The following RAB6A variants were observed in gnomAD, a reference collection of about 807,000 sequenced individuals.
RAB6A encodes RAB6A, member RAS oncogene family, also known as ras-related protein Rab-6A.
RAB6A carries 8 observed loss-of-function variants against 32.3 expected under a neutral mutation model. That is an observed-to-expected ratio of 0.25 (90% CI 0.15 to 0.45). The LOEUF (loss-of-function observed/expected upper bound fraction) is 0.45. Ranked by LOEUF, RAB6A falls within the 20% of genes least tolerant of loss-of-function variation. The pLI is 1.00. For synonymous variants in RAB6A, 73 were observed against 82.1 expected, an observed-to-expected ratio of 0.89 and a Z score of 0.60; for missense variants, 104 against 249.4, an observed-to-expected ratio of 0.42 and a Z score of 3.93.
chr11:73,747,424 C>T (rs1014274095), intron 1 of RAB6A, among the ~76,000 whole-genome samples: 13 of 124,788 alleles, frequency 1.0e-4, no homozygotes, highest in African/African-American at 2.8e-4. Flanking sequence ...AACTCCTGAC[C>T]TTGTGATCGG....
chr11:73,718,929 AAACTAATACTAAAAAG>A, intron 3 of RAB6A: 4 of 1,479,728 alleles, frequency 2.7e-6, no homozygotes, highest in Non-Finnish European at 3.7e-6. Flanking sequence ...AAAAAAAACC[AAACTAATACTAAAAAG>A]AAAAAAGAAA....
At chr11:73,750,206 G>C (rs540959064) in intron 1 of RAB6A, among the ~76,000 whole-genome samples, 1 of 151,968 alleles carries the variant, frequency 6.6e-6, no homozygotes. Context: ...ATCTCACAAC[G>C]GACAGGATAA....
intron 2 of RAB6A, among the ~76,000 whole-genome samples, chr11:73,724,397 T>C (rs1387327027): frequency 6.6e-6 from 1 of 152,102 alleles, no homozygotes; most frequent in East Asian, 1.9e-4. Flanking sequence ...AAATAGCAAA[T>C]TGTGACTTAC....
chr11:73,691,012 GT>G (rs1227628326), intron 6 of RAB6A, among the ~76,000 whole-genome samples: 16 of 135,040 alleles, frequency 1.2e-4, no homozygotes, highest in African/African-American at 4.1e-4. Context: ...CAAAGGCGGG[GT>G]TTTTCGGGGG....
chr11:73,749,815 T>C (rs1469627758), intron 1 of RAB6A, among the ~76,000 whole-genome samples: 1 of 152,058 alleles, frequency 6.6e-6, no homozygotes, highest in Non-Finnish European at 1.5e-5. Context: ...TGAGCTGTGA[T>C]CACATCACTA....
chr11:73,753,705 C>T (rs1414195031), intron 1 of RAB6A, among the ~76,000 whole-genome samples: 1 of 150,736 alleles, frequency 6.6e-6, no homozygotes, highest in Admixed American at 6.6e-5. Flanking sequence ...AGCGAGATTC[C>T]GTCTGAAAAA....
In RAB6A at chr11:73,709,950, C is replaced by CATAT. The variant is rs71065028; in HGVS notation, c.402-2441_402-2438dup. ...ATATATATACATACACACACACACA[C>CATAT]ATATATATATATTTTTTTTTTTTTT... On this transcript the variant is annotated intron_variant, in intron 5 of 7. Transcript: ENST00000336083. Among the ~76,000 whole-genome samples the CATAT allele has an allele frequency of 2.2e-3, 126 of 57,370 alleles. 1 individual carries two copies. Among genetic ancestry groups the CATAT allele is most frequent in the Middle Eastern group, 8.5e-3 (1 of 118 alleles). The allele number at this position is 57,370 out of a possible 152,430, so 37.6% of individuals were successfully genotyped here.
chr11:73,727,857 A>G (rs901179405), intron 2 of RAB6A, among the ~76,000 whole-genome samples: 4 of 152,232 alleles, frequency 2.6e-5, no homozygotes, highest in African/African-American at 9.6e-5. Flanking sequence ...ACAAAGACAA[A>G]GCAATTGAAA....
chr11:73,756,363 A>G (rs949173410), intron 1 of RAB6A, among the ~76,000 whole-genome samples: 2 of 152,124 alleles, frequency 1.3e-5, no homozygotes, highest in Non-Finnish European at 2.9e-5. Context: ...CAAAAGAAAA[A>G]CAACTGGTCA....
At chr11:73,723,890 T>G (rs549712783) in intron 2 of RAB6A, among the ~76,000 whole-genome samples, 1 of 152,178 alleles carries the variant, frequency 6.6e-6, no homozygotes, top group Non-Finnish European at 1.5e-5. Context: ...AAAATGACTC[T>G]CACCACTCCT....
chr11:73,725,094 T>C (rs1358393581), intron 2 of RAB6A, among the ~76,000 whole-genome samples: 1 of 152,202 alleles, frequency 6.6e-6, no homozygotes, highest in Non-Finnish European at 1.5e-5. Flanking sequence ...AGAGGATTAG[T>C]ACAAATACTG....
At chr11:73,736,079 C>T (rs907896461) in intron 1 of RAB6A, among the ~76,000 whole-genome samples, 1 of 152,016 alleles carries the variant, frequency 6.6e-6, no homozygotes, top group African/African-American at 2.4e-5. Context: ...TGACCTTAGC[C>T]TCCAGAGTAG....
At chr11:73,718,116 G>C (rs1256001685) in intron 4 of RAB6A, among the ~76,000 whole-genome samples, 1 of 152,114 alleles carries the variant, frequency 6.6e-6, no homozygotes, top group Non-Finnish European at 1.5e-5. Context: ...AAATAAAAAA[G>C]ATTAATAGAA....
chr11:73,678,848 C>G (rs1945310252), intron 7 of RAB6A, among the ~76,000 whole-genome samples: 1 of 151,128 alleles, frequency 6.6e-6, no homozygotes, highest in Admixed American at 6.6e-5. Context: ...GCCTCAACCT[C>G]CTTAGTAGCT....
In RAB6A at chr11:73,703,273, A is replaced by C. The variant is rs552929078; in HGVS notation, c.495+4147T>G. Among the ~76,000 whole-genome samples the C allele has an allele frequency of 2.0e-5, 3 of 152,338 alleles. No individual in the cohort carries two copies. The East Asian group carries it at 5.8e-4, about 29-fold the overall frequency. ...AACCTGGCTTCTCTAGGGCTTGTTC[A>C]GTCTAGCTAAGAAAATTCTTAAGAC... On this transcript the variant is annotated intron_variant, in intron 6 of 7. Transcript: ENST00000336083.
chr11:73,687,228 G>A (rs1945472976), intron 6 of RAB6A, among the ~76,000 whole-genome samples: 1 of 152,046 alleles, frequency 6.6e-6, no homozygotes, highest in African/African-American at 2.4e-5. Context: ...TGGGGGAAGG[G>A]GGAAATAAGG....
intron 4 of RAB6A, among the ~76,000 whole-genome samples, chr11:73,717,592 GCAC>G (rs1946070515): frequency 6.6e-6 from 1 of 152,170 alleles, no homozygotes; most frequent in Admixed American, 6.6e-5. Context: ...TTACAGGCAT[GCAC>G]CACCACACCT....
chr11:73,693,077 C>G (rs897418300), intron 6 of RAB6A, among the ~76,000 whole-genome samples: 1 of 152,004 alleles, frequency 6.6e-6, no homozygotes, highest in African/African-American at 2.4e-5. Context: ...CACCTGAGGT[C>G]AGGAGTTCAA....
rs1324247023 is a variant in RAB6A, at chr11:73,720,868, G to A, written c.161C>T (p.Thr54Ile). The A allele has an allele frequency of 6.2e-7, 1 of 1,610,090 alleles. No individual in the cohort carries two copies. The highest frequency in any genetic ancestry group is 1.3e-5 in the African/African-American group (1 of 74,808). ...ATIGIDFLSK[T>I]MYLEDRTVRL... ...CACTGTTCGATCCTCCAAGTACATAGTTTTTGATAAAAAGTCAATGCCAAT... is the reference window on the plus strand; with the variant it reads ...CACTGTTCGATCCTCCAAGTACATAATTTTTGATAAAAAGTCAATGCCAAT... Residue 54 changes from threonine to isoleucine, a missense_variant, in exon 3 of 8, where the codon ACT (threonine) becomes ATT (isoleucine). By Grantham distance (89) the Thr-to-Ile change is moderately conservative (BLOSUM62 -1). Coordinates refer to ENST00000336083, the MANE Select transcript of RAB6A (RefSeq NM_198896.2).
Sources: gnomAD v4.1 joint callset for allele counts (sites outside exome capture counted in the v4.1 genomes callset) on GRCh38, gnomAD v4.1.1 for gene constraint, MANE v1.5 for transcripts, NCBI Gene and HGNC (gene_info 2026-07-23, HGNC 2026-07-21) for gene names.